PHLPP1: variants seen among roughly 807,000 people sequenced by gnomAD.
PHLPP1 encodes PH domain and leucine rich repeat protein phosphatase 1.
A neutral mutation model predicts 117.2 loss-of-function variants in PHLPP1; 42 were observed. The ratio of observed to expected loss-of-function variants is 0.36; its 90% CI spans 0.28 to 0.46. The LOEUF (loss-of-function observed/expected upper bound fraction) is 0.46. Ranked by LOEUF, PHLPP1 falls within the 20% of genes least tolerant of loss-of-function variation. The pLI, the probability that PHLPP1 is intolerant of heterozygous loss-of-function variation, is 1.00. For missense variants in PHLPP1, 2,084 were observed against 2,241.9 expected (o/e 0.93, Z 1.42); for synonymous variants, 1,042 against 970.7 (o/e 1.07, Z -1.37).
chr18:62,962,514 G>A (rs1161747689), intron 13 of PHLPP1, among the ~76,000 whole-genome samples: 1 of 152,122 alleles, frequency 6.6e-6, no homozygotes, highest in African/African-American at 2.4e-5. Context: ...TCTCCATGTT[G>A]GTCAGGCTGA....
intron 14 of PHLPP1, among the ~76,000 whole-genome samples, chr18:62,971,524 G>A (rs1911047996): frequency 6.6e-6 from 1 of 152,016 alleles, no homozygotes; most frequent in Non-Finnish European, 1.5e-5. Context: ...CCAGTGCACT[G>A]ACTGTGGACT....
intron 1 of PHLPP1, among the ~76,000 whole-genome samples, chr18:62,752,145 A>G (rs1302434455): frequency 6.6e-6 from 1 of 152,168 alleles, no homozygotes; most frequent in Non-Finnish European, 1.5e-5. Context: ...TGGCATGAAC[A>G]TGCCTCCCTG....
At chr18:62,927,566 G>A (rs1909672880) in intron 10 of PHLPP1, among the ~76,000 whole-genome samples, 1 of 152,096 alleles carries the variant, frequency 6.6e-6, no homozygotes, top group South Asian at 2.1e-4. Context: ...GGAAGAAAAT[G>A]ACAGTTATCT....
intron 1 of PHLPP1, among the ~76,000 whole-genome samples, chr18:62,787,973 G>C (rs1913344340): frequency 6.6e-6 from 1 of 152,172 alleles, no homozygotes; most frequent in Non-Finnish European, 1.5e-5. Context: ...CTGCCTTTGG[G>C]AGAACATTGC....
intron 1 of PHLPP1, among the ~76,000 whole-genome samples, chr18:62,760,869 G>T (rs1912201842): frequency 6.6e-6 from 1 of 152,076 alleles, no homozygotes. Flanking sequence ...GTTTTGTTTT[G>T]TTTTATTTTA....
At chr18:62,870,459 A>G (rs1413329252) in intron 4 of PHLPP1, among the ~76,000 whole-genome samples, 1 of 152,176 alleles carries the variant, frequency 6.6e-6, no homozygotes, top group African/African-American at 2.4e-5. Context: ...GAAATATGCC[A>G]TATATTTAGT....
intron 6 of PHLPP1, among the ~76,000 whole-genome samples, chr18:62,901,488 C>A (rs1451767578): frequency 6.6e-6 from 1 of 152,100 alleles, no homozygotes; most frequent in Non-Finnish European, 1.5e-5. Flanking sequence ...GGAACTCATC[C>A]TTGTGTTTCA....
At chr18:62,884,659 C>G (rs1916243646) in intron 4 of PHLPP1, among the ~76,000 whole-genome samples, 1 of 152,190 alleles carries the variant, frequency 6.6e-6, no homozygotes, top group Non-Finnish European at 1.5e-5. Context: ...ATGTGCCCCA[C>G]AGAGGAAAAA....
intron 3 of PHLPP1, among the ~76,000 whole-genome samples, chr18:62,854,460 G>T (rs1420427163): frequency 6.6e-6 from 1 of 152,172 alleles, no homozygotes; most frequent in Admixed American, 6.5e-5. Flanking sequence ...ATCTGTATTT[G>T]GTCAGCAGAT....
At chr18:62,866,564 AACGC>A (rs1915775861) in intron 4 of PHLPP1, among the ~76,000 whole-genome samples, 14 of 152,222 alleles carry the variant, frequency 9.2e-5, no homozygotes, top group Admixed American at 6.5e-4. Flanking sequence ...AGTATTTTAA[AACGC>A]TGTATAGTTA....
intron 1 of PHLPP1, among the ~76,000 whole-genome samples, chr18:62,721,432 GTGT>G (rs1910914370): frequency 2.2e-5 from 3 of 137,374 alleles, no homozygotes; most frequent in African/African-American, 5.1e-5. Flanking sequence ...GGGTGTGGGT[GTGT>G]GTGTGTGTGT....
intron 4 of PHLPP1, among the ~76,000 whole-genome samples, chr18:62,869,690 A>G (rs955246688): frequency 6.6e-6 from 1 of 152,242 alleles, no homozygotes; most frequent in Admixed American, 6.5e-5. Flanking sequence ...GTACTGTGTA[A>G]TATAAGGCAG....
chr18:62,862,959 A>G (rs1237173533), intron 4 of PHLPP1, among the ~76,000 whole-genome samples: 1 of 152,190 alleles, frequency 6.6e-6, no homozygotes, highest in Non-Finnish European at 1.5e-5. Flanking sequence ...TACGTAGGCA[A>G]TCGAGACTCT....
intron 1 of PHLPP1, among the ~76,000 whole-genome samples, chr18:62,744,429 G>A (rs1283038394): frequency 6.6e-6 from 1 of 152,234 alleles, no homozygotes; most frequent in South Asian, 2.1e-4. Context: ...TCTAAGAATT[G>A]ATGTTTATTC....
At chr18:62,761,656 A>T (rs1003508200) in intron 1 of PHLPP1, among the ~76,000 whole-genome samples, 5 of 151,696 alleles carry the variant, frequency 3.3e-5, no homozygotes, top group South Asian at 2.1e-4. Flanking sequence ...TAAAAATAAA[A>T]AAATAAAAAA....
chr18:62,822,276 T>TG (rs954943462), intron 1 of PHLPP1, among the ~76,000 whole-genome samples: 13 of 145,228 alleles, frequency 9.0e-5, no homozygotes, highest in East Asian at 8.0e-4. Flanking sequence ...TTTTTTTTTT[T>TG]TTTGTTTTTG....
In PHLPP1 at chr18:62,945,099, C is replaced by CT. The variant is rs760715114; in HGVS notation, c.3162-3dup. On this transcript the variant is annotated splice_polypyrimidine_tract_variant and intron_variant, in intron 11 of 16. Transcript: ENST00000262719. ...TTTCTTTTAAATTGCTTTATTTTCT[C>CT]TTTTTTTAGTAAAATGGCGAAACTG... 12 of 1,557,532 alleles carry CT rather than the reference C, an allele frequency of 7.7e-6. No homozygotes were observed. Among genetic ancestry groups the CT allele is most frequent in the South Asian group, 4.9e-5 (4 of 82,440 alleles).
Position 62,830,117 on chromosome 18 carries a change from A to G in PHLPP1, c.1659A>G (p.Pro553=). ...YNVRKGKMQL[P]VNRWTRRQVI... is the part of the protein sequence containing the mutation. ...TCCGTAAAGGCAAGATGCAGTTGCC[A>G]GTGAACCGATGGACAAGACGCCAAG... is the stretch of plus-strand genomic sequence containing the variant. Residue 553 remains proline, a synonymous_variant, in exon 2 of 17, where the codon CCA becomes CCG. Transcript: ENST00000262719. 1.2e-6 allele frequency: 2 copies of G among 1,613,034 alleles called. No individual in the cohort carries two copies. Among genetic ancestry groups the G allele is most frequent in the Non-Finnish European group, 1.7e-6 (2 of 1,179,458 alleles).
chr18:62,771,196 A>G (rs1599038759), intron 1 of PHLPP1, among the ~76,000 whole-genome samples: 1 of 150,080 alleles, frequency 6.7e-6, no homozygotes, highest in South Asian at 2.1e-4. Context: ...CCTGGGCGAC[A>G]GAGTGAGACT....
Sources: gnomAD v4.1 joint callset for allele counts (sites outside exome capture counted in the v4.1 genomes callset) on GRCh38, gnomAD v4.1.1 for gene constraint, MANE v1.5 for transcripts, NCBI Gene and HGNC (gene_info 2026-07-23, HGNC 2026-07-21) for gene names.